Variants in TULP4 observed in about 807,000 individuals in gnomAD.
The protein encoded by TULP4 is tubby-related protein 4.
A neutral mutation model predicts 129.0 loss-of-function variants in TULP4; 16 were observed. That is an observed-to-expected ratio of 0.12 (90% confidence interval 0.08 to 0.19). TULP4 has a LOEUF of 0.19. Among genes scored for constraint, TULP4 ranks in the 10% least tolerant of loss-of-function variants. TULP4 has a pLI of 1.00. For missense variants in TULP4, 1,842 were observed against 2,059.1 expected, an observed-to-expected ratio of 0.89 and a Z score of 2.04; for synonymous variants, 998 against 854.0, an observed-to-expected ratio of 1.17 and a Z score of -2.94.
Position 158,502,305 on chromosome 6 carries a change from C to T in TULP4, c.2642C>T (p.Thr881Ile). ...TACCCCACGTCAGTGCACTACCAGA[C>T]CCCCCTGGGCTATGAGAGGATCACC... ...SLYPTSVHYQ[T>I]PLGYERITTF... Residue 881 changes from threonine to isoleucine, a missense_variant, in exon 13 of 14, where the codon ACC becomes ATC. Physicochemically the swap from Thr to Ile is moderately conservative, Grantham distance 89. This residue lies in a region of TULP4 where 1,089 missense variants were observed against 987.1 expected (regional missense o/e 1.10). Transcript: ENST00000367097. The T allele has an allele frequency of 1.2e-6, 2 of 1,612,898 alleles. No individual in the cohort carries two copies. The highest frequency in any genetic ancestry group is 1.7e-6 in the Non-Finnish European group (2 of 1,179,704).
chr6:158,430,150 TAATAA>T (rs1449472668), intron 3 of TULP4, among the ~76,000 whole-genome samples: 4 of 152,206 alleles, frequency 2.6e-5, no homozygotes, highest in Non-Finnish European at 5.9e-5. Flanking sequence ...ACAATTTTAT[TAATAA>T]AATCTGCATA....
At chr6:158,303,072 G>C (rs984632885) in intron 1 of TULP4, among the ~76,000 whole-genome samples, 6 of 148,354 alleles carry the variant, frequency 4.0e-5, no homozygotes, top group Admixed American at 6.8e-5. Context: ...TTTTTTCCTT[G>C]AATGTGTATG....
chr6:158,500,493 C>T (rs185040763), intron 12 of TULP4, among the ~76,000 whole-genome samples: 6 of 152,314 alleles, frequency 3.9e-5, no homozygotes, highest in Non-Finnish European at 7.4e-5. Flanking sequence ...GGACTAGCTG[C>T]CACACGGTAC....
chr6:158,427,471 C>CTTTTTTTTTTTTTTTTTTTTTT (rs557678837), intron 2 of TULP4, among the ~76,000 whole-genome samples: 2 of 74,136 alleles, frequency 2.7e-5, no homozygotes, highest in African/African-American at 6.2e-5. Flanking sequence ...ATTATCAGAC[C>CTTTTTTTTTTTTTTTTTTTTTT]TTTTTTTTTT....
At chr6:158,368,999 A>G (rs1777009271) in intron 1 of TULP4, among the ~76,000 whole-genome samples, 1 of 152,168 alleles carries the variant, frequency 6.6e-6, no homozygotes, top group Non-Finnish European at 1.5e-5. Flanking sequence ...ATTTTATTTT[A>G]TAGTGCCACA....
intron 1 of TULP4, among the ~76,000 whole-genome samples, chr6:158,350,394 G>T (rs1427618486): frequency 2.0e-5 from 3 of 152,176 alleles, no homozygotes; most frequent in African/African-American, 7.2e-5. Flanking sequence ...GGGGGAGGTT[G>T]TAGCAAGCCG....
chr6:158,399,652 C>T (rs537035981), intron 1 of TULP4, among the ~76,000 whole-genome samples: 7 of 151,328 alleles, frequency 4.6e-5, no homozygotes, highest in South Asian at 2.1e-4. Context: ...TGTACCTTTA[C>T]GTAAAAAATA....
At chr6:158,402,912 A>C (rs1447489368) in intron 1 of TULP4, among the ~76,000 whole-genome samples, 2 of 146,978 alleles carry the variant, frequency 1.4e-5, no homozygotes, top group Non-Finnish European at 3.0e-5. Context: ...TTTTTTGACA[A>C]CTTATGTTGG....
intron 1 of TULP4, among the ~76,000 whole-genome samples, chr6:158,286,703 C>G (rs1188186092): frequency 6.6e-6 from 1 of 152,152 alleles, no homozygotes; most frequent in Non-Finnish European, 1.5e-5. Context: ...ATTAGTAATT[C>G]AAGACAAATT....
At chr6:158,291,141 C>T (rs1170974426) in intron 1 of TULP4, among the ~76,000 whole-genome samples, 1 of 152,218 alleles carries the variant, frequency 6.6e-6, no homozygotes, top group Non-Finnish European at 1.5e-5. Flanking sequence ...ATTTTACCTA[C>T]ATATTTAACA....
chr6:158,357,488 A>T (rs996491493), intron 1 of TULP4, among the ~76,000 whole-genome samples: 1 of 152,214 alleles, frequency 6.6e-6, no homozygotes, highest in Non-Finnish European at 1.5e-5. Context: ...CACGTCTAAG[A>T]TCCTACATAA....
At chr6:158,338,327 A>G (rs1288053741) in intron 1 of TULP4, among the ~76,000 whole-genome samples, 3 of 152,224 alleles carry the variant, frequency 2.0e-5, no homozygotes, top group East Asian at 1.9e-4. Context: ...AGCCCAAATT[A>G]TACTTTAAAG....
intron 1 of TULP4, among the ~76,000 whole-genome samples, chr6:158,355,679 A>G (rs1780630400): frequency 6.6e-6 from 1 of 152,172 alleles, no homozygotes; most frequent in African/African-American, 2.4e-5. Flanking sequence ...AAAGATATGT[A>G]GGGAGTAAAA....
At chr6:158,308,867 G>A (rs1297874844), upstream of TULP4, among the ~76,000 whole-genome samples, 14 of 138,976 alleles carry the variant, frequency 1.0e-4, no homozygotes, top group East Asian at 4.5e-4. Flanking sequence ...CGGACGGGGC[G>A]GCTGGCCGGG....
chr6:158,494,880 G>C (rs772352271), intron 11 of TULP4, 34 bp downstream of exon 11: 1 of 1,587,714 alleles, frequency 6.3e-7, no homozygotes, highest in South Asian at 1.1e-5. Context: ...CATTGTCCCA[G>C]TTGGAACAAA....
chr6:158,315,172 A>G (rs1057239982), intron 1 of TULP4, among the ~76,000 whole-genome samples: 1 of 152,228 alleles, frequency 6.6e-6, no homozygotes, highest in Non-Finnish European at 1.5e-5. Context: ...GTCTTAGTCC[A>G]TTTGTGCTAC....
In TULP4 at chr6:158,503,231, C is replaced by T; in HGVS notation, c.3568C>T (p.Pro1190Ser). ...TFQTGYGMGV[P>S]YPGSYNNPPL... ...CCAAACAGGCTATGGGATGGGAGTG[C>T]CATATCCAGGAAGCTATAACAACCC... is the stretch of plus-strand genomic sequence containing the variant. Residue 1190 changes from proline to serine, a missense_variant, in exon 13 of 14, where the codon CCA (proline) becomes TCA (serine). Physicochemically the swap from Pro to Ser is moderately conservative, Grantham distance 74 (BLOSUM62 -1). This residue lies in a region of TULP4 where 1,089 missense variants were observed against 987.1 expected (regional missense o/e 1.10). Coordinates refer to ENST00000367097, the MANE Select transcript of TULP4 (RefSeq NM_020245.5). The surrounding 1 kb of genome is among the most constrained non-coding windows in gnomAD (Gnocchi z 4.3). 11 of 1,614,070 alleles carry T rather than the reference C, an allele frequency of 6.8e-6. No individual in the cohort carries two copies. The highest frequency in any genetic ancestry group is 8.5e-6 in the Non-Finnish European group (10 of 1,180,022).
chr6:158,396,345 A>G (rs1206143950), intron 1 of TULP4, among the ~76,000 whole-genome samples: 1 of 152,160 alleles, frequency 6.6e-6, no homozygotes. Context: ...CTTGCGTAAA[A>G]GCAATTCAGT....
At chr6:158,273,002 C>T (rs9355615) in intron 1 of TULP4, among the ~76,000 whole-genome samples, 49,575 of 152,026 alleles carry the variant, frequency 0.33, 9,165 homozygotes, top group Admixed American at 0.45. Context: ...TTGCCTTTGG[C>T]GAAAGTGAAG....
Sources: gnomAD v4.1 joint callset for allele counts (sites outside exome capture counted in the v4.1 genomes callset) on GRCh38, gnomAD v4.1.1 for gene constraint, gnomAD v4.1.1 regional missense constraint, Gnocchi (gnomAD v3.1) non-coding constraint, MANE v1.5 for transcripts, NCBI Gene and HGNC (gene_info 2026-07-23, HGNC 2026-07-21) for gene names.